Variants in CLVS2 observed in about 807,000 individuals in gnomAD.
The protein encoded by CLVS2 is clavesin 2.
A neutral mutation model predicts 29.0 loss-of-function variants in CLVS2; 19 were observed. That is an observed-to-expected ratio of 0.66 (90% CI 0.46 to 0.96). The LOEUF is 0.96. Among genes scored for constraint, CLVS2 ranks in the 40% least tolerant of loss-of-function variants. The probability of loss-of-function intolerance (pLI) is 0.00; values close to 1 mark genes in which losing one functional copy is unlikely to be tolerated. For synonymous variants in CLVS2, 161 were observed against 151.3 expected, an observed-to-expected ratio of 1.06 and a Z score of -0.47; for missense variants, 294 against 404.1, an observed-to-expected ratio of 0.73 and a Z score of 2.34.
intron 3 of CLVS2, among the ~76,000 whole-genome samples, chr6:123,037,998 G>T (rs1199049069): frequency 6.6e-6 from 1 of 152,134 alleles, no homozygotes; most frequent in Non-Finnish European, 1.5e-5. Context: ...ATCCAGGTAG[G>T]CTCCACATTG....
intron 3 of CLVS2, among the ~76,000 whole-genome samples, chr6:123,016,739 G>A (rs1774840182): frequency 6.6e-6 from 1 of 152,068 alleles, no homozygotes; most frequent in South Asian, 2.1e-4. Flanking sequence ...CCCTTAATAA[G>A]TAGGACTTGT....
At chr6:123,041,919 G>C (rs1385989880) in intron 3 of CLVS2, among the ~76,000 whole-genome samples, 3 of 152,046 alleles carry the variant, frequency 2.0e-5, no homozygotes, top group Admixed American at 1.3e-4. Flanking sequence ...TAGCATCTGA[G>C]AGGGCACAAT....
chr6:123,013,211 A>C (rs1450068799), intron 3 of CLVS2, among the ~76,000 whole-genome samples: 2 of 152,072 alleles, frequency 1.3e-5, no homozygotes, highest in Admixed American at 1.3e-4. Context: ...GTACCACTAT[A>C]TGTTTCATTC....
intron 5 of CLVS2, among the ~76,000 whole-genome samples, chr6:123,056,424 A>G (rs1160928247): frequency 2.6e-5 from 4 of 152,040 alleles, no homozygotes; most frequent in African/African-American, 9.7e-5. Flanking sequence ...TCTACTATCT[A>G]TTTCTATGAG....
intron 3 of CLVS2, among the ~76,000 whole-genome samples, chr6:123,031,132 G>GCTA (rs1163925346): frequency 6.6e-6 from 1 of 151,810 alleles, no homozygotes; most frequent in African/African-American, 2.4e-5. Context: ...ACCATGCCTG[G>GCTA]CTAATTTTTT....
chr6:123,044,496 G>A (rs1775280001), intron 3 of CLVS2, among the ~76,000 whole-genome samples: 1 of 151,928 alleles, frequency 6.6e-6, no homozygotes, highest in Non-Finnish European at 1.5e-5. Flanking sequence ...AAGGAGGGAT[G>A]AGTGGGCAGG....
At chr6:123,045,702 C>T (rs1772485116) in intron 3 of CLVS2, among the ~76,000 whole-genome samples, 1 of 152,144 alleles carries the variant, frequency 6.6e-6, no homozygotes, top group Non-Finnish European at 1.5e-5. Flanking sequence ...CACCAATAGA[C>T]CTACAGAATA....
chr6:123,040,907 A>G (rs1775220603), intron 3 of CLVS2, among the ~76,000 whole-genome samples: 1 of 152,230 alleles, frequency 6.6e-6, no homozygotes, highest in Admixed American at 6.5e-5. Flanking sequence ...TTAAAAAATT[A>G]AAAATTTGGA....
rs186613684 is a variant in CLVS2 at position 123,031,637 on chromosome 6, G to C, written c.565-16985G>C. Among the ~76,000 whole-genome samples the C allele has an allele frequency of 4.1e-4, 63 of 152,222 alleles. No homozygotes were observed. The Middle Eastern group carries it at 0.014, about 33-fold the overall frequency. On this transcript the variant is annotated intron_variant, in intron 3 of 5. Transcript: ENST00000275162. ...AACCCTAAGTTGTACATCTTAAATA[G>C]ATACAATTTGTATTTATCAATTATG...
At chr6:123,040,106 C>G (rs1038937442) in intron 3 of CLVS2, among the ~76,000 whole-genome samples, 13 of 152,126 alleles carry the variant, frequency 8.5e-5, no homozygotes, top group African/African-American at 3.1e-4. Context: ...TGCTGTTAGG[C>G]TTCACCAAGT....
At chr6:123,053,815 T>C (rs1772650024) in intron 4 of CLVS2, among the ~76,000 whole-genome samples, 1 of 152,014 alleles carries the variant, frequency 6.6e-6, no homozygotes, top group Non-Finnish European at 1.5e-5. Flanking sequence ...TGAGGATGTG[T>C]GAGAGATAGG....
At chr6:123,014,199 A>G (rs553613198) in intron 3 of CLVS2, among the ~76,000 whole-genome samples, 2 of 152,232 alleles carry the variant, frequency 1.3e-5, no homozygotes, top group South Asian at 4.1e-4. Flanking sequence ...GCTGGGTCAA[A>G]TGGTATTTCT....
Position 123,055,944 on chromosome 6 carries a change from G to A in CLVS2, c.814G>A (p.Asp272Asn), listed in dbSNP as rs752596301. 9.3e-6 allele frequency: 15 copies of A among 1,613,866 alleles called. No homozygotes were observed. Among genetic ancestry groups the A allele is most frequent in the South Asian group, 6.6e-5 (6 of 91,080 alleles). Reference sequence around the variant, plus strand: ...AACACTGCTAGACCATGAATATGACGATGACAGCGAGTACAATGTAGACTC... The same window carrying A: ...AACACTGCTAGACCATGAATATGACAATGACAGCGAGTACAATGTAGACTC... ...ARTLLDHEYD[D>N]DSEYNVDSYS... The change falls in exon 5 of 6, where the codon GAT (aspartate) becomes AAT (asparagine). Residue 272 changes from aspartate (D) to asparagine (N), a missense_variant. Physicochemically the swap from Asp to Asn is conservative, Grantham distance 23. This residue lies in a region of CLVS2 where 212 missense variants were observed against 336.4 expected (regional missense o/e 0.63). Transcript: ENST00000275162.
intron 3 of CLVS2, among the ~76,000 whole-genome samples, chr6:123,011,790 A>G (rs1341840334): frequency 6.6e-6 from 1 of 151,976 alleles, no homozygotes; most frequent in East Asian, 1.9e-4. Flanking sequence ...GCTATTGTCA[A>G]GTTGCTTTTA....
In CLVS2 at chr6:123,050,000, G is replaced by A. The variant is rs527610666; in HGVS notation, c.675+1268G>A. Among the ~76,000 whole-genome samples, 17 of 152,106 alleles carry A rather than the reference G, an allele frequency of 1.1e-4. No homozygotes were observed. In the South Asian group the frequency reaches 3.1e-3, roughly 28 times the overall value. ...CTATATCAAGCATTAATGAACAAAGGGCTTACTGTAAGTGAATTTGCGCTC... is the reference window on the plus strand; with the variant it reads ...CTATATCAAGCATTAATGAACAAAGAGCTTACTGTAAGTGAATTTGCGCTC... On this transcript the variant is annotated intron_variant, in intron 4 of 5. Transcript: ENST00000275162.
intron 3 of CLVS2, among the ~76,000 whole-genome samples, chr6:123,028,241 T>TC (rs1253825609): frequency 3.1e-5 from 2 of 65,444 alleles, no homozygotes; most frequent in South Asian, 1.9e-3. Context: ...GCTATACAGA[T>TC]CTAATCAGTT....
chr6:123,033,701 A>C (rs556634201), intron 3 of CLVS2, among the ~76,000 whole-genome samples: 1 of 152,242 alleles, frequency 6.6e-6, no homozygotes, highest in Non-Finnish European at 1.5e-5. Context: ...AAAAATAAAA[A>C]ATTGGTAAAT....
chr6:123,019,516 A>G (rs1774891798), intron 3 of CLVS2, among the ~76,000 whole-genome samples: 1 of 152,002 alleles, frequency 6.6e-6, no homozygotes, highest in Non-Finnish European at 1.5e-5. Context: ...ATTTTTTTGT[A>G]TCAGTATAGC....
intron 3 of CLVS2, among the ~76,000 whole-genome samples, chr6:123,017,936 A>G (rs1369944467): frequency 6.6e-6 from 1 of 152,120 alleles, no homozygotes; most frequent in Admixed American, 6.6e-5. Context: ...AGGGTTATTT[A>G]ACATTTACTG....
Sources: gnomAD v4.1 joint callset for allele counts (sites outside exome capture counted in the v4.1 genomes callset) on GRCh38, gnomAD v4.1.1 for gene constraint, gnomAD v4.1.1 regional missense constraint, MANE v1.5 for transcripts, NCBI Gene and HGNC (gene_info 2026-07-23, HGNC 2026-07-21) for gene names.